The following PRKN variants were observed in gnomAD, a reference collection of about 807,000 sequenced individuals.
PRKN encodes parkin RBR E3 ubiquitin protein ligase.
A neutral mutation model predicts 59.5 loss-of-function variants in PRKN; 56 were observed. The ratio of observed to expected loss-of-function variants is 0.94; its 90% CI spans 0.76 to 1.18. PRKN has a LOEUF of 1.18. Among genes scored for constraint, PRKN ranks in the 50% most tolerant of loss-of-function variants. The pLI is 0.00. For synonymous variants in PRKN, 250 were observed against 222.1 expected, an observed-to-expected ratio of 1.13 and a Z score of -1.12; for missense variants, 657 against 596.4, an observed-to-expected ratio of 1.10 and a Z score of -1.06.
At chr6:162,724,555 T>C (rs530952320) in intron 1 of PRKN, among the ~76,000 whole-genome samples, 1 of 152,328 alleles carries the variant, frequency 6.6e-6, no homozygotes, top group Non-Finnish European at 1.5e-5. Context: ...AGAATATTAT[T>C]CGCAGTAAGG....
At chr6:161,917,987 T>G (rs1778637305) in intron 6 of PRKN, among the ~76,000 whole-genome samples, 1 of 152,178 alleles carries the variant, frequency 6.6e-6, no homozygotes, top group Non-Finnish European at 1.5e-5. Flanking sequence ...TCACCATAAT[T>G]TCATTGGTGG....
At chr6:162,618,481 A>G (rs1018454408) in intron 1 of PRKN, among the ~76,000 whole-genome samples, 3 of 152,190 alleles carry the variant, frequency 2.0e-5, no homozygotes, top group Non-Finnish European at 4.4e-5. Context: ...TGGAAATCCC[A>G]GACACATTTC....
intron 6 of PRKN, among the ~76,000 whole-genome samples, chr6:161,796,831 T>A (rs183602628): frequency 4.6e-5 from 7 of 152,366 alleles, no homozygotes; most frequent in African/African-American, 1.7e-4. Flanking sequence ...CTGTTGGAGA[T>A]GCCATCTGTA....
intron 5 of PRKN, among the ~76,000 whole-genome samples, chr6:162,034,141 T>TTG (rs150558275): frequency 0.014 from 2,034 of 145,642 alleles, 33 homozygotes; most frequent in African/African-American, 0.046. Flanking sequence ...GGTCATTCAA[T>TTG]TGTGTGTGTG....
chr6:162,265,726 A>G (rs1780099306), intron 2 of PRKN, among the ~76,000 whole-genome samples: 1 of 152,162 alleles, frequency 6.6e-6, no homozygotes, highest in Admixed American at 6.6e-5. Context: ...CTGTTCACAC[A>G]TGGCCCAGAC....
intron 2 of PRKN, among the ~76,000 whole-genome samples, chr6:162,413,284 C>T (rs184561427): frequency 8.5e-5 from 13 of 152,144 alleles, no homozygotes; most frequent in Non-Finnish European, 1.6e-4. Flanking sequence ...CCATCAGCTT[C>T]AGACCACGAC....
intron 6 of PRKN, among the ~76,000 whole-genome samples, chr6:161,856,341 TGA>T (rs1404895409): frequency 7.0e-6 from 1 of 141,850 alleles, no homozygotes; most frequent in African/African-American, 2.6e-5. Flanking sequence ...GCCTGGTCAA[TGA>T]GAGTGAAATG....
chr6:162,231,111 CCT>C (rs978481179), intron 3 of PRKN, among the ~76,000 whole-genome samples: 8 of 151,964 alleles, frequency 5.3e-5, no homozygotes, highest in South Asian at 2.1e-4. Context: ...AATATGCCTC[CCT>C]CTCTCTCTCC....
rs1248148745 is a variant in PRKN, at chr6:162,727,701, A to G, written c.-33T>C. 3 of 1,564,314 alleles carry G rather than the reference A, an allele frequency of 1.9e-6. No individual in the cohort carries two copies. Among genetic ancestry groups the G allele is most frequent in the Admixed American group, 3.8e-5 (2 of 52,990 alleles). On this transcript the variant is annotated 5_prime_UTR_variant, in exon 1 of 12. Transcript: ENST00000366898. ...GGGTAGGTGGCGGCTGCGGGCCAGG[A>G]ACAGGCCCATGCGCGCAGCGGCGCC...
chr6:162,035,431 A>G (rs570693475), intron 5 of PRKN, among the ~76,000 whole-genome samples: 1 of 152,342 alleles, frequency 6.6e-6, no homozygotes, highest in Non-Finnish European at 1.5e-5. Context: ...AAACTAAAAA[A>G]TGAGATATAA....
chr6:162,611,729 A>G (rs2128218899), intron 1 of PRKN, among the ~76,000 whole-genome samples: 1 of 152,366 alleles, frequency 6.6e-6, no homozygotes, highest in South Asian at 2.1e-4. Flanking sequence ...GAGGTCAGGG[A>G]CTGACCACAT....
Position 161,579,279 on chromosome 6 carries a change from C to T in PRKN, c.872-9863G>A, listed in dbSNP as rs1781249975. ...AAAGAGAATCTGTGGGACTGTCATCCCCCAAGTGGGTGTAACCAAAAAGGG... is the reference window on the plus strand; with the variant it reads ...AAAGAGAATCTGTGGGACTGTCATCTCCCAAGTGGGTGTAACCAAAAAGGG... On this transcript the variant is annotated intron_variant, in intron 7 of 11. Transcript: ENST00000366898. The surrounding 1 kb of genome is among the most constrained non-coding windows in gnomAD (Gnocchi z 4.2). Among the ~76,000 whole-genome samples, 1 of 152,104 alleles carries T rather than the reference C, an allele frequency of 6.6e-6. No individual in the cohort carries two copies. The highest frequency in any genetic ancestry group is 2.4e-5 in the African/African-American group (1 of 41,414).
chr6:161,754,120 A>T (rs1219069513), intron 7 of PRKN, among the ~76,000 whole-genome samples: 12 of 152,128 alleles, frequency 7.9e-5, no homozygotes, highest in Non-Finnish European at 1.6e-4. Flanking sequence ...ACTGGAATGG[A>T]GGCAGGATTT....
At chr6:162,210,132 T>TAAAATAAAATAAA (rs1282133436) in intron 3 of PRKN, among the ~76,000 whole-genome samples, 1 of 151,940 alleles carries the variant, frequency 6.6e-6, no homozygotes, top group South Asian at 2.1e-4. Flanking sequence ...TAAAATAAAA[T>TAAAATAAAATAAA]AAAGAGGCAG....
rs73603151 is a variant in PRKN, at chr6:161,865,143, C to G, written c.735-79235G>C. On this transcript the variant is annotated intron_variant, in intron 6 of 11. Coordinates refer to ENST00000366898, the MANE Select transcript of PRKN (RefSeq NM_004562.3). ...ATCTCCATCAGAGCGCTTGGGTGAC[C>G]AGGTACATTCTCAGTGAGTAGTTAT... 3.6e-3 allele frequency among the ~76,000 whole-genome samples: 541 copies of G among 152,252 alleles called. 5 individuals carry two copies. The highest frequency in any genetic ancestry group is 0.012 in the African/African-American group (518 of 41,550).
intron 2 of PRKN, among the ~76,000 whole-genome samples, chr6:162,414,726 A>AGT (rs374917997): frequency 3.3e-5 from 3 of 91,870 alleles, no homozygotes; most frequent in Non-Finnish European, 6.3e-5. Context: ...AAAAAAAAAA[A>AGT]AGTGAATCTT....
intron 6 of PRKN, among the ~76,000 whole-genome samples, chr6:161,877,592 T>C (rs1466143617): frequency 6.6e-6 from 1 of 151,682 alleles, no homozygotes; most frequent in African/African-American, 2.4e-5. Flanking sequence ...CTTGAGTAAC[T>C]GAGACTACAG....
In PRKN at chr6:162,182,948, T is replaced by C. The variant is rs141740776; in HGVS notation, c.534+18183A>G. 5.8e-3 allele frequency among the ~76,000 whole-genome samples: 880 copies of C among 152,324 alleles called. 12 individuals are homozygous for C. The highest frequency in any genetic ancestry group is 0.02 in the African/African-American group (847 of 41,578). The stretch of plus-strand genomic sequence containing the variant: ...CACCTACTTCTAAAATGCATTATTA[T>C]TGGGTCATTTCTGACACCTTTTTTT... On this transcript the variant is annotated intron_variant, in intron 4 of 11. Transcript: ENST00000366898.
intron 10 of PRKN, among the ~76,000 whole-genome samples, chr6:161,367,553 C>T (rs190879124): frequency 6.6e-6 from 1 of 151,086 alleles, no homozygotes; most frequent in Admixed American, 6.6e-5. Flanking sequence ...GTTCTGTTAT[C>T]TAACTTAGAA....
Sources: gnomAD v4.1 joint callset for allele counts (sites outside exome capture counted in the v4.1 genomes callset) on GRCh38, gnomAD v4.1.1 for gene constraint, Gnocchi (gnomAD v3.1) non-coding constraint, MANE v1.5 for transcripts, NCBI Gene and HGNC (gene_info 2026-07-23, HGNC 2026-07-21) for gene names.